The following UGT2B7 variants were observed in gnomAD, a reference collection of about 807,000 sequenced individuals.
The protein encoded by UGT2B7 is UDP-glucuronosyltransferase 2B7.
UGT2B7 carries 51 observed loss-of-function variants against 51.9 expected under a neutral mutation model. The ratio of observed to expected loss-of-function variants is 0.98; its 90% confidence interval spans 0.78 to 1.24. The LOEUF (loss-of-function observed/expected upper bound fraction) is 1.24, where lower values mean the gene tolerates loss of function less well. Ranked by LOEUF, UGT2B7 falls within the 50% of genes most tolerant of loss-of-function variation. The pLI, the probability that UGT2B7 is intolerant of heterozygous loss-of-function variation, is 0.00. For missense variants in UGT2B7, 727 were observed against 628.4 expected (o/e 1.16, Z -1.68); for synonymous variants, 225 against 211.6 (o/e 1.06, Z -0.55).
chr4:69,052,504 G>A (rs1450161423), intron 1 of UGT2B7, among the ~76,000 whole-genome samples: 1 of 121,334 alleles, frequency 8.2e-6, no homozygotes, highest in Non-Finnish European at 1.6e-5. Flanking sequence ...TAATCTTGTG[G>A]CCTTAGACAG....
At chr4:69,100,969 T>A (rs1433278440) in intron 2 of UGT2B7, among the ~76,000 whole-genome samples, 1 of 151,978 alleles carries the variant, frequency 6.6e-6, no homozygotes, top group Admixed American at 6.6e-5. Flanking sequence ...GAGAAAAAAA[T>A]TAATCAAGGT....
At chr4:69,080,378 T>C (rs1419460572) in intron 1 of UGT2B7, among the ~76,000 whole-genome samples, 1 of 151,868 alleles carries the variant, frequency 6.6e-6, no homozygotes, top group Non-Finnish European at 1.5e-5. Context: ...TAAAACTCCG[T>C]CCCTGCTAAA....
intron 2 of UGT2B7, among the ~76,000 whole-genome samples, chr4:69,100,887 A>G (rs549254486): frequency 8.1e-4 from 123 of 152,260 alleles, no homozygotes; most frequent in African/African-American, 2.8e-3. Flanking sequence ...AAGACACTTG[A>G]CAAAATGTAT....
chr4:69,071,367 A>G (rs907157798), intron 1 of UGT2B7, among the ~76,000 whole-genome samples: 1 of 152,148 alleles, frequency 6.6e-6, no homozygotes, highest in Non-Finnish European at 1.5e-5. Flanking sequence ...ACTAAATTGT[A>G]GGTGGAATAA....
chr4:69,109,605 A>T (rs1719715893), intron 5 of UGT2B7, among the ~76,000 whole-genome samples: 1 of 152,178 alleles, frequency 6.6e-6, no homozygotes. Flanking sequence ...TAAGTTTAAG[A>T]ACTATTTATA....
At chr4:69,080,778 A>G (rs1254517606) in intron 1 of UGT2B7, among the ~76,000 whole-genome samples, 1 of 152,104 alleles carries the variant, frequency 6.6e-6, no homozygotes, top group Non-Finnish European at 1.5e-5. Flanking sequence ...TCACCATGGA[A>G]TATCTCTAAT....
intron 1 of UGT2B7, among the ~76,000 whole-genome samples, chr4:69,077,195 G>T (rs1282091333): frequency 6.6e-6 from 1 of 151,890 alleles, no homozygotes; most frequent in Non-Finnish European, 1.5e-5. Flanking sequence ...CTTGTAGTAT[G>T]GTTTGAAGTC....
At chr4:69,057,909 A>T (rs1183867212) in intron 1 of UGT2B7, among the ~76,000 whole-genome samples, 3 of 152,168 alleles carry the variant, frequency 2.0e-5, no homozygotes, top group African/African-American at 4.8e-5. Context: ...ATAGATAGGG[A>T]CACAATTGGC....
intron 3 of UGT2B7, among the ~76,000 whole-genome samples, chr4:69,103,141 C>A (rs181656929): frequency 1.4e-4 from 21 of 151,690 alleles, no homozygotes; most frequent in Admixed American, 1.3e-3. Flanking sequence ...ATGAACATTC[C>A]CCTATGTAAA....
At chr4:69,078,199 C>T (rs1718758867) in intron 1 of UGT2B7, among the ~76,000 whole-genome samples, 1 of 151,980 alleles carries the variant, frequency 6.6e-6, no homozygotes, top group African/African-American at 2.4e-5. Context: ...ATTTGTTTTG[C>T]CAGCATTTTA....
intron 2 of UGT2B7, among the ~76,000 whole-genome samples, 181 bp from the exon 3 acceptor site, chr4:69,102,626 A>G (rs1189372280): frequency 1.3e-5 from 2 of 152,064 alleles, no homozygotes; most frequent in Admixed American, 1.3e-4. Flanking sequence ...GCATCCACCT[A>G]TCTCATATTA....
intron 1 of UGT2B7, among the ~76,000 whole-genome samples, chr4:69,083,455 C>T (rs1359578798): frequency 2.0e-5 from 3 of 151,988 alleles, no homozygotes; most frequent in Non-Finnish European, 4.4e-5. Context: ...AGCAGGTCAA[C>T]GTATAAATAT....
intron 1 of UGT2B7, among the ~76,000 whole-genome samples, chr4:69,078,942 C>A (rs1718776301): frequency 1.3e-5 from 2 of 152,132 alleles, no homozygotes; most frequent in South Asian, 4.1e-4. Context: ...CAGGAGGCTG[C>A]ACACTCTACC....
At chr4:69,076,090 C>T (rs1326003113) in intron 1 of UGT2B7, among the ~76,000 whole-genome samples, 1 of 152,148 alleles carries the variant, frequency 6.6e-6, no homozygotes, top group Non-Finnish European at 1.5e-5. Flanking sequence ...TCATCCATGT[C>T]CCTGCAAAGG....
At chr4:69,084,635 A>T (rs1201995916) in intron 1 of UGT2B7, among the ~76,000 whole-genome samples, 4 of 151,882 alleles carry the variant, frequency 2.6e-5, no homozygotes, top group Non-Finnish European at 5.9e-5. Flanking sequence ...AACGCACGAC[A>T]GGCCCCAGTG....
chr4:69,103,107 A>AT (rs34407256), intron 3 of UGT2B7, among the ~76,000 whole-genome samples, 169 bp downstream of exon 3: 94,245 of 151,144 alleles, frequency 0.62, 30,810 homozygotes, highest in African/African-American at 0.81. Context: ...TTGTGGTTGC[A>AT]TTTTTTTTTA....
chr4:69,056,644 T>C (rs1718208544), intron 1 of UGT2B7, among the ~76,000 whole-genome samples: 1 of 151,902 alleles, frequency 6.6e-6, no homozygotes, highest in African/African-American at 2.4e-5. Context: ...ATAAGAGTAA[T>C]AATAGTAATT....
intron 1 of UGT2B7, among the ~76,000 whole-genome samples, chr4:69,078,781 C>T (rs1718772377): frequency 6.6e-6 from 1 of 152,068 alleles, no homozygotes; most frequent in Admixed American, 6.6e-5. Flanking sequence ...CAGATGTGAT[C>T]CATCTGGCTA....
intron 2 of UGT2B7, among the ~76,000 whole-genome samples, chr4:69,101,852 C>T (rs760595007): frequency 2.0e-5 from 3 of 152,112 alleles, no homozygotes; most frequent in Non-Finnish European, 4.4e-5. Context: ...AGGAATGTTA[C>T]GTGGTGTGTG....
Sources: gnomAD v4.1 joint callset for allele counts (sites outside exome capture counted in the v4.1 genomes callset) on GRCh38, gnomAD v4.1.1 for gene constraint, MANE v1.5 for transcripts, NCBI Gene and HGNC (gene_info 2026-07-23, HGNC 2026-07-21) for gene names.